Variants in SLC25A29 observed in about 807,000 individuals in gnomAD.
SLC25A29 encodes solute carrier family 25 member 29, also known as mitochondrial basic amino acids transporter.
Under a neutral mutation model 10.0 loss-of-function variants are expected in SLC25A29, and 13 were observed. The ratio of observed to expected loss-of-function variants is 1.30; its 90% confidence interval spans 0.85 to 2.07. The LOEUF is 2.07. SLC25A29 is among the 30% of genes most tolerant of loss of function. The probability of loss-of-function intolerance (pLI) is 0.00; values close to 1 mark genes in which losing one functional copy is unlikely to be tolerated. For synonymous variants in SLC25A29, 244 were observed against 221.1 expected, an observed-to-expected ratio of 1.10 and a Z score of -0.92; for missense variants, 475 against 447.6, an observed-to-expected ratio of 1.06 and a Z score of -0.55.
intron 1 of SLC25A29, chr14:100,299,748 T>C: frequency 1.0e-6 from 1 of 985,458 alleles, no homozygotes; most frequent in Non-Finnish European, 1.2e-6. Flanking sequence ...GTCAGGTAAC[T>C]GACTCTGACT....
chr14:100,284,812 G>A, the SLC25A29 span, among the ~76,000 whole-genome samples: 1 of 152,184 alleles, frequency 6.6e-6, no homozygotes, highest in Non-Finnish European at 1.5e-5. Flanking sequence ...GGCCGAGGCG[G>A]GCAGATCACC....
At chr14:100,301,572 C>T (rs1454331730) in intron 1 of SLC25A29, among the ~76,000 whole-genome samples, 2 of 152,084 alleles carry the variant, frequency 1.3e-5, no homozygotes, top group South Asian at 2.1e-4. Context: ...TGCAGTGGCA[C>T]GATCTCGACT....
intron 3 of SLC25A29, 62 bp downstream of exon 3, chr14:100,293,232 G>T: frequency 6.4e-7 from 1 of 1,564,720 alleles, no homozygotes. Context: ...TGGGGTGGTG[G>T]CAGCCCGGAA....
At chr14:100,293,897 A>C (rs1891960494) in intron 2 of SLC25A29, 1 of 153,758 alleles carries the variant, frequency 6.5e-6, no homozygotes, top group Non-Finnish European at 1.4e-5. Context: ...AGGTGGGTGG[A>C]TCACTTGAGG....
chr14:100,283,766 C>G, the SLC25A29 span, among the ~76,000 whole-genome samples: 1 of 152,184 alleles, frequency 6.6e-6, no homozygotes, highest in African/African-American at 2.4e-5. Context: ...CAGGCGTGAA[C>G]CACCGTGCCT....
At chr14:100,281,796 G>A in the SLC25A29 span, 4 of 152,224 alleles carry the variant, frequency 2.6e-5, no homozygotes, top group African/African-American at 9.6e-5. Flanking sequence ...GTTGCCTGAA[G>A]ATGGTTTAAG....
chr14:100,292,739 C>A lies in SLC25A29; in HGVS notation c.456G>T (p.Arg152=), dbSNP rs1891827532. The A allele has an allele frequency of 2.5e-6, 4 of 1,602,420 alleles. No individual in the cohort carries two copies. In the East Asian group the frequency reaches 6.8e-5, roughly 27 times the overall value. ...YGHEGLRGVN[R]GMVSTLLRET... ...CACGCAGCAACGTGGACACCATGCC[C>A]CGGTTGACGCCACGCAGACCCTCGT... Residue 152 remains arginine (R), a synonymous_variant, in exon 4 of 4, where the codon CGG becomes CGT. Transcript: ENST00000359232.
chr14:100,288,223 AAC>A (rs1276430361), downstream of SLC25A29, among the ~76,000 whole-genome samples: 1 of 151,776 alleles, frequency 6.6e-6, no homozygotes, highest in Non-Finnish European at 1.5e-5. Flanking sequence ...CTCTACTAAA[AAC>A]ACAAAAAATT....
the SLC25A29 span, among the ~76,000 whole-genome samples, chr14:100,285,825 G>T: frequency 6.6e-6 from 1 of 152,132 alleles, no homozygotes; most frequent in East Asian, 1.9e-4. Flanking sequence ...CTTCCCCCCG[G>T]TGGAGCAGCG....
Position 100,306,291 on chromosome 14 carries a change from G to C in SLC25A29, c.-59C>G, listed in dbSNP as rs1222806316. 2 of 1,335,966 alleles carry C rather than the reference G, an allele frequency of 1.5e-6. No homozygotes were observed. Among genetic ancestry groups the C allele is most frequent in the Non-Finnish European group, 1.9e-6 (2 of 1,046,000 alleles). The allele number at this position is 1,335,966 out of a possible 1,614,324, so 82.8% of individuals were successfully genotyped here. The stretch of plus-strand genomic sequence containing the variant: ...CGTCCTCCCCCTGAGGCCCCTCGCC[G>C]GGCTGGGCGCCGTCGGGGTCCCCGA... On this transcript the variant is annotated 5_prime_UTR_variant, in exon 1 of 4. Transcript: ENST00000359232.
rs765282181 is a variant in SLC25A29, at chr14:100,292,539, G to A, written c.656C>T (p.Ala219Val). ...GCGCGGGGCGCCCCGCAGTCCGTCC[G>A]CCTGCAGCCGCGACTTGACCACGTC... Reference protein sequence around the residue: ...PVDVVKSRLQADGLRGAPRYR... With the variant: ...PVDVVKSRLQVDGLRGAPRYR... Residue 219 changes from alanine to valine, a missense_variant, in exon 4 of 4, where the codon GCG becomes GTG. Coordinates refer to ENST00000359232, the MANE Select transcript of SLC25A29 (RefSeq NM_001039355.3). 6.3e-6 allele frequency: 10 copies of A among 1,597,634 alleles called. No individual in the cohort carries two copies. Among genetic ancestry groups the A allele is most frequent in the Admixed American group, 3.5e-5 (2 of 57,818 alleles).
Position 100,298,853 on chromosome 14 carries a change from C to T in SLC25A29, c.67G>A (p.Asp23Asn). The T allele has an allele frequency of 6.2e-7, 1 of 1,614,220 alleles. No homozygotes were observed. Among genetic ancestry groups the T allele is most frequent in the Non-Finnish European group, 8.5e-7 (1 of 1,180,052 alleles). The change falls in exon 2 of 4, where the codon GAC (aspartate) becomes AAC (asparagine). Residue 23 changes from aspartate (D) to asparagine (N), a missense_variant. Physicochemically the swap from Asp to Asn is conservative, Grantham distance 23. Coordinates refer to ENST00000359232, the MANE Select transcript of SLC25A29 (RefSeq NM_001039355.3). The part of the protein sequence containing the change: ...VAGVLVGHPF[D>N]TVKVRLQVQS... ...GCGATGAGACTCACCTTGACCGTGT[C>T]AAACGGGTGTCCCACAAGCACGCCT...
chr14:100,306,332 G>GC lies in SLC25A29; in HGVS notation c.-101dup. 1 of 1,174,984 alleles carries GC rather than the reference G, an allele frequency of 8.5e-7. No individual in the cohort carries two copies. The highest frequency in any genetic ancestry group is 1.1e-6 in the Non-Finnish European group (1 of 928,510). The allele number at this position is 1,174,984 out of a possible 1,614,324, so 72.8% of individuals were successfully genotyped here. A position where few individuals can be genotyped will look rare whatever the true frequency, so the allele number is the denominator to read the frequency against. ...GGGTCCCCGAGCGCGCGGTGCCGGGGCTGGGCCTGGCCGCTCCTCCTGGCG... is the reference window on the plus strand; with the variant it reads ...GGGTCCCCGAGCGCGCGGTGCCGGGGCCTGGGCCTGGCCGCTCCTCCTGGCG... On this transcript the variant is annotated 5_prime_UTR_variant, in exon 1 of 4. Transcript: ENST00000359232.
intron 2 of SLC25A29, among the ~76,000 whole-genome samples, chr14:100,296,886 C>CCG (rs1338273261): frequency 1.3e-5 from 2 of 152,210 alleles, no homozygotes; most frequent in South Asian, 4.1e-4. Context: ...GCATGAGCCA[C>CCG]TAGCCTGGCC....
downstream of SLC25A29, among the ~76,000 whole-genome samples, chr14:100,290,584 G>A (rs1891640102): frequency 2.0e-5 from 3 of 152,358 alleles, no homozygotes; most frequent in South Asian, 6.2e-4. Flanking sequence ...GGCTCAGGAT[G>A]CCAAGGGCTG....
intron 1 of SLC25A29, chr14:100,299,869 T>C (rs1371622977): frequency 1.0e-6 from 1 of 985,338 alleles, no homozygotes; most frequent in Non-Finnish European, 1.2e-6. Context: ...AGTAACAAAC[T>C]AACATTACGA....
intron 2 of SLC25A29, chr14:100,296,078 CCT>C: frequency 3.3e-6 from 4 of 1,217,252 alleles, no homozygotes; most frequent in Non-Finnish European, 3.2e-6. Context: ...TCGGGTGGCC[CCT>C]GATGATCCTA....
Position 100,293,317 on chromosome 14 carries a change from T to C in SLC25A29, c.139A>G (p.Lys47Glu), listed in dbSNP as rs1891902579. ...ACGCTCTCTTGCTTGATGATGGACT[T>C]GAAGCAGTGCAACGTCCCGCGGTAC... ...PQYRGTLHCFKSIIKQESVLG... is the reference protein window; with the variant it reads ...PQYRGTLHCFESIIKQESVLG... The change falls in exon 3 of 4, where the codon AAG becomes GAG. Residue 47 changes from lysine (K) to glutamate (E), a missense_variant. Transcript: ENST00000359232. 2 of 1,613,258 alleles carry C rather than the reference T, an allele frequency of 1.2e-6. No homozygotes were observed. The highest frequency in any genetic ancestry group is 1.7e-6 in the Non-Finnish European group (2 of 1,179,994).
At chr14:100,298,631 C>G in intron 2 of SLC25A29, 1 of 640,038 alleles carries the variant, frequency 1.6e-6, no homozygotes, top group African/African-American at 1.8e-5. Flanking sequence ...GCTGGCCAAG[C>G]CCAGGATGGA....
Sources: gnomAD v4.1 joint callset for allele counts (sites outside exome capture counted in the v4.1 genomes callset) on GRCh38, gnomAD v4.1.1 for gene constraint, MANE v1.5 for transcripts, NCBI Gene and HGNC (gene_info 2026-07-23, HGNC 2026-07-21) for gene names.